The following IMMP2L variants were observed in gnomAD, a reference collection of about 807,000 sequenced individuals.
IMMP2L encodes the protein mitochondrial inner membrane protease subunit 2.
IMMP2L carries 18 observed loss-of-function variants against 19.3 expected under a neutral mutation model. The observed-to-expected ratio is 0.93, with a 90% CI of 0.64 to 1.38. The LOEUF (loss-of-function observed/expected upper bound fraction) is 1.38, where lower values mean the gene tolerates loss of function less well. Among genes scored for constraint, IMMP2L ranks in the 40% most tolerant of loss-of-function variants. The pLI, the probability that IMMP2L is intolerant of heterozygous loss-of-function variation, is 0.00. For synonymous variants in IMMP2L, 76 were observed against 73.0 expected (o/e 1.04, Z -0.21); for missense variants, 233 against 218.2 (o/e 1.07, Z -0.43).
intron 1 of IMMP2L, among the ~76,000 whole-genome samples, chr7:111,526,766 C>G (rs1486008493): frequency 6.6e-6 from 1 of 152,116 alleles, no homozygotes; most frequent in Non-Finnish European, 1.5e-5. Flanking sequence ...TTTTAAGAGG[C>G]ACAGAATGGA....
At chr7:111,099,664 T>C (rs545268975) in intron 3 of IMMP2L, among the ~76,000 whole-genome samples, 3 of 151,438 alleles carry the variant, frequency 2.0e-5, no homozygotes, top group Non-Finnish European at 4.4e-5. Context: ...TTTAGAGAGC[T>C]CACATCAACA....
intron 3 of IMMP2L, among the ~76,000 whole-genome samples, chr7:111,266,544 C>CAAAA (rs530670317): frequency 2.3e-5 from 2 of 88,774 alleles, no homozygotes; most frequent in Admixed American, 2.5e-4. Flanking sequence ...CTATGTCTCC[C>CAAAA]AAAAAAAAAA....
chr7:111,470,260 C>A (rs1841115859), intron 3 of IMMP2L, among the ~76,000 whole-genome samples: 1 of 152,050 alleles, frequency 6.6e-6, no homozygotes, highest in Non-Finnish European at 1.5e-5. Context: ...AATAGGAACA[C>A]TTTTACACTG....
At chr7:111,012,783 C>T (rs1311498011) in intron 3 of IMMP2L, among the ~76,000 whole-genome samples, 1 of 152,058 alleles carries the variant, frequency 6.6e-6, no homozygotes, top group African/African-American at 2.4e-5. Context: ...GGCTTTAGCC[C>T]CTAACTTGCC....
intron 3 of IMMP2L, among the ~76,000 whole-genome samples, chr7:111,178,219 A>T (rs904711529): frequency 6.6e-6 from 1 of 152,088 alleles, no homozygotes; most frequent in Admixed American, 6.6e-5. Flanking sequence ...TATAAAAGTT[A>T]TGTTTACACT....
At chr7:111,366,724 G>A (rs7807381) in intron 3 of IMMP2L, among the ~76,000 whole-genome samples, 3,388 of 151,742 alleles carry the variant, frequency 0.022, 123 homozygotes, top group African/African-American at 0.075. Flanking sequence ...TGAAACTTTC[G>A]GAAGATTCTA....
intron 3 of IMMP2L, among the ~76,000 whole-genome samples, chr7:111,066,446 A>C (rs191235192): frequency 1.3e-5 from 2 of 152,350 alleles, no homozygotes; most frequent in African/African-American, 4.8e-5. Flanking sequence ...AGGCATTGGA[A>C]AAAAAGATTT....
chr7:111,206,099 C>T (rs1361968704), intron 3 of IMMP2L, among the ~76,000 whole-genome samples: 1 of 152,178 alleles, frequency 6.6e-6, no homozygotes, highest in Non-Finnish European at 1.5e-5. Flanking sequence ...GCACACAAGA[C>T]TGCTTTAAAA....
In IMMP2L at chr7:111,164,252, C is replaced by T. The variant is rs555085255; in HGVS notation, c.240-200687G>A. 5.3e-4 allele frequency among the ~76,000 whole-genome samples: 81 copies of T among 151,998 alleles called. 2 individuals are homozygous for T. The highest frequency in any genetic ancestry group is 1.0e-3 in the South Asian group (5 of 4,810). On this transcript the variant is annotated intron_variant, in intron 3 of 5. Coordinates refer to ENST00000405709, the MANE Select transcript of IMMP2L (RefSeq NM_032549.4). ...AACTTCAGACATAGTATTAGGTCGG[C>T]GCAATTACTTTTGCACCAACCTATT...
intron 3 of IMMP2L, among the ~76,000 whole-genome samples, chr7:111,145,666 G>A (rs112586834): frequency 4.6e-5 from 7 of 152,214 alleles, no homozygotes; most frequent in Admixed American, 2.0e-4. Flanking sequence ...TGTCAACTGA[G>A]CATCGCGTCA....
intron 5 of IMMP2L, among the ~76,000 whole-genome samples, chr7:110,815,559 A>T (rs1802428082): frequency 6.6e-6 from 1 of 152,000 alleles, no homozygotes; most frequent in African/African-American, 2.4e-5. Context: ...TCCTCCTTGT[A>T]CCTCTGGTAG....
chr7:111,556,018 G>GTATATATATATATATATATA (rs1554550149), intron 1 of IMMP2L, among the ~76,000 whole-genome samples: 2,112 of 91,076 alleles, frequency 0.023, 207 homozygotes, highest in East Asian at 0.056. Flanking sequence ...CTGTGTGCAT[G>GTATATATATATATATATATA]TATATATATA....
Position 111,367,428 on chromosome 7 carries a change from T to C in IMMP2L, c.239+119810A>G, listed in dbSNP as rs144803667. Among the ~76,000 whole-genome samples the C allele has an allele frequency of 2.3e-3, 348 of 151,918 alleles. 1 individual carries two copies. Among genetic ancestry groups the C allele is most frequent in the African/African-American group, 7.3e-3 (301 of 41,492 alleles). On this transcript the variant is annotated intron_variant, in intron 3 of 5. Coordinates refer to ENST00000405709, the MANE Select transcript of IMMP2L (RefSeq NM_032549.4). The stretch of plus-strand genomic sequence containing the variant: ...CTATATTTAGGTCCAGTTAGTTAGT[T>C]ACCTTCATTCTTCCTCAATTTGGTA...
intron 2 of IMMP2L, among the ~76,000 whole-genome samples, chr7:111,500,405 G>A (rs1013589737): frequency 6.6e-6 from 1 of 152,276 alleles, no homozygotes; most frequent in Non-Finnish European, 1.5e-5. Context: ...CAAAAAGACA[G>A]CAGTAACCTC....
chr7:110,832,088 C>G (rs1173277085), intron 5 of IMMP2L, among the ~76,000 whole-genome samples: 9 of 152,092 alleles, frequency 5.9e-5, no homozygotes, highest in Admixed American at 5.9e-4. Flanking sequence ...GTGGTGAAAC[C>G]TCGTCTCTAC....
chr7:110,740,525 T>A (rs1796926442), intron 5 of IMMP2L, among the ~76,000 whole-genome samples: 1 of 151,950 alleles, frequency 6.6e-6, no homozygotes, highest in Non-Finnish European at 1.5e-5. Context: ...CAGGAAAGCA[T>A]AAAATCTGAA....
intron 3 of IMMP2L, among the ~76,000 whole-genome samples, chr7:111,306,121 C>CA (rs1202261791): frequency 6.6e-6 from 1 of 152,096 alleles, no homozygotes; most frequent in African/African-American, 2.4e-5. Flanking sequence ...TTCTATTTTA[C>CA]ATTTCTAAAT....
intron 5 of IMMP2L, among the ~76,000 whole-genome samples, chr7:110,763,843 G>T (rs1377246320): frequency 1.3e-5 from 2 of 152,018 alleles, no homozygotes; most frequent in Admixed American, 6.6e-5. Context: ...TAGGTATATG[G>T]GTGCTTCTAA....
chr7:111,342,836 G>T (rs558420569), intron 3 of IMMP2L, among the ~76,000 whole-genome samples: 2 of 151,822 alleles, frequency 1.3e-5, no homozygotes, highest in African/African-American at 2.4e-5. Context: ...AAAGATACAC[G>T]AATCTCTAAA....
Sources: gnomAD v4.1 joint callset for allele counts (sites outside exome capture counted in the v4.1 genomes callset) on GRCh38, gnomAD v4.1.1 for gene constraint, MANE v1.5 for transcripts, NCBI Gene and HGNC (gene_info 2026-07-23, HGNC 2026-07-21) for gene names.